The following PPFIBP1 variants were observed in gnomAD, a reference collection of about 807,000 sequenced individuals.
The protein encoded by PPFIBP1 is PPFIB scaffold protein 1.
Under a neutral mutation model 137.8 loss-of-function variants are expected in PPFIBP1, and 112 were observed. That is an observed-to-expected ratio of 0.81 (90% CI 0.70 to 0.95). The LOEUF (loss-of-function observed/expected upper bound fraction) is 0.95, where lower values mean the gene tolerates loss of function less well. Ranked by LOEUF, PPFIBP1 falls within the 40% of genes least tolerant of loss-of-function variation. The pLI, the probability that PPFIBP1 is intolerant of heterozygous loss-of-function variation, is 0.00. For synonymous variants in PPFIBP1, 378 were observed against 417.3 expected, an observed-to-expected ratio of 0.91 and a Z score of 1.15; for missense variants, 1,083 against 1,196.6, an observed-to-expected ratio of 0.91 and a Z score of 1.40.
chr12:27,587,065 C>G (rs1029192366), intron 2 of PPFIBP1, among the ~76,000 whole-genome samples: 4 of 152,158 alleles, frequency 2.6e-5, no homozygotes, highest in African/African-American at 9.7e-5. Context: ...CTTACGTGTT[C>G]TGTAAAAATA....
intron 1 of PPFIBP1, among the ~76,000 whole-genome samples, chr12:27,543,880 C>CTTTT (rs35787446): frequency 5.7e-5 from 6 of 105,800 alleles, no homozygotes; most frequent in African/African-American, 7.3e-5. Context: ...CCCGCCCCTG[C>CTTTT]TTTTTTTTTT....
chr12:27,645,102 G>A (rs1330434336), intron 4 of PPFIBP1, among the ~76,000 whole-genome samples: 1 of 152,118 alleles, frequency 6.6e-6, no homozygotes, highest in Non-Finnish European at 1.5e-5. Context: ...TAAATCTGAA[G>A]GTATTATTTT....
intron 4 of PPFIBP1, among the ~76,000 whole-genome samples, chr12:27,643,243 G>T (rs1246383029): frequency 7.1e-6 from 1 of 140,592 alleles, no homozygotes; most frequent in African/African-American, 2.7e-5. Context: ...AACCAAACCT[G>T]CAGTCATCTT....
At chr12:27,687,267 TG>T (rs1271404110) in intron 24 of PPFIBP1, 117 bp from the exon 25 acceptor site, 1 of 1,239,774 alleles carries the variant, frequency 8.1e-7, no homozygotes, top group Non-Finnish European at 1.1e-6. Context: ...GACAAGACCT[TG>T]GGGCATATTG....
chr12:27,592,852 C>T, intron 2 of PPFIBP1: 1 of 559,348 alleles, frequency 1.8e-6, no homozygotes, highest in Non-Finnish European at 3.2e-6. Context: ...AAAAATAGCC[C>T]AAGTAGGCTG....
intron 2 of PPFIBP1, among the ~76,000 whole-genome samples, chr12:27,621,104 A>G (rs1420016838): frequency 6.6e-6 from 1 of 152,230 alleles, no homozygotes; most frequent in Non-Finnish European, 1.5e-5. Flanking sequence ...AGGCTGTAGG[A>G]TAAGGTAGGT....
intron 1 of PPFIBP1, chr12:27,538,422 G>A (rs1294053069): frequency 1.3e-5 from 2 of 152,186 alleles, no homozygotes; most frequent in East Asian, 3.8e-4. Flanking sequence ...ATTTGAAATT[G>A]TACTTTGTGA....
intron 12 of PPFIBP1, among the ~76,000 whole-genome samples, chr12:27,665,678 G>A (rs754604879): frequency 7.9e-5 from 12 of 152,252 alleles, no homozygotes; most frequent in Admixed American, 4.6e-4. Flanking sequence ...TTATTTGCTC[G>A]CAACGTAAGC....
chr12:27,527,001 T>A (rs1414132657), intron 1 of PPFIBP1, among the ~76,000 whole-genome samples: 2 of 152,108 alleles, frequency 1.3e-5, no homozygotes, highest in Non-Finnish European at 2.9e-5. Flanking sequence ...TAATTAACTG[T>A]TTATGTAGTC....
chr12:27,598,805 A>G (rs1189883506), intron 2 of PPFIBP1, among the ~76,000 whole-genome samples: 1 of 152,206 alleles, frequency 6.6e-6, no homozygotes, highest in Non-Finnish European at 1.5e-5. Context: ...CCTCATTAAC[A>G]ATACGGCTCA....
rs114438322 is a variant in PPFIBP1, at chr12:27,685,496, T to C, written c.2248-1889T>C. On this transcript the variant is annotated intron_variant, in intron 24 of 29. Coordinates refer to ENST00000228425, the MANE Select transcript of PPFIBP1 (RefSeq NM_003622.4). ...ACGATTATGACTAGAACACATTCAGTAAATATTTGCCTCCCTCTCTAAGTG... is the reference window on the plus strand; with the variant it reads ...ACGATTATGACTAGAACACATTCAGCAAATATTTGCCTCCCTCTCTAAGTG... Among the ~76,000 whole-genome samples the C allele has an allele frequency of 9.7e-3, 1,475 of 152,212 alleles. 23 individuals carry two copies. Among genetic ancestry groups the C allele is most frequent in the African/African-American group, 0.033 (1,373 of 41,522 alleles).
intron 12 of PPFIBP1, among the ~76,000 whole-genome samples, chr12:27,666,306 C>G (rs2059852287): frequency 6.6e-6 from 1 of 150,700 alleles, no homozygotes; most frequent in South Asian, 2.1e-4. Flanking sequence ...GTTGTATAAA[C>G]AGTGATTTCT....
rs74074091 is a variant in PPFIBP1, at chr12:27,664,277, A to G, written c.907-85A>G. On this transcript the variant is annotated intron_variant, in intron 11 of 29. Coordinates refer to ENST00000228425, the MANE Select transcript of PPFIBP1 (RefSeq NM_003622.4). Reference sequence around the variant, plus strand: ...AATCATGCGTATTCTTTATGTAATTACTATTCTTTATGCAATTCTTTATGG... The same window carrying G: ...AATCATGCGTATTCTTTATGTAATTGCTATTCTTTATGCAATTCTTTATGG... The G allele has an allele frequency of 4.7e-4, 401 of 854,186 alleles. No homozygotes were observed. The African/African-American group carries it at 5.7e-3, about 12-fold the overall frequency. The allele number at this position is 854,186 out of a possible 1,614,324, so 52.9% of individuals were successfully genotyped here.
chr12:27,595,353 C>T lies in PPFIBP1; in HGVS notation c.-36+17114C>T, dbSNP rs183347356. On this transcript the variant is annotated intron_variant, in intron 2 of 29. Transcript: ENST00000228425. The stretch of plus-strand genomic sequence containing the variant: ...GGCTGCCCACATGGAAGAAGTGCTG[C>T]TAACTCCTGAGGCAAGAAGGGGAGA... 6.4e-4 allele frequency among the ~76,000 whole-genome samples: 97 copies of T among 152,290 alleles called. 1 individual carries two copies. The Middle Eastern group carries it at 0.02, about 32-fold the overall frequency.
At position 27,647,759 on chromosome 12, in the gene PPFIBP1, C is replaced by G. The variant is rs777172400; in HGVS notation, c.388C>G (p.Gln130Glu). 53 of 1,609,348 alleles carry G rather than the reference C, an allele frequency of 3.3e-5. No homozygotes were observed. The highest frequency in any genetic ancestry group is 6.7e-5 in the Admixed American group (4 of 59,314). ...TGTGTTAACAGACCAGGTGGAGGCTCAGGGAGAGAAGATTCGAGATTTGGA... is the reference window on the plus strand; with the variant it reads ...TGTGTTAACAGACCAGGTGGAGGCTGAGGGAGAGAAGATTCGAGATTTGGA... ...VSVLTDQVEA[Q>E]GEKIRDLEFC... Residue 130 changes from glutamine (Q) to glutamate (E), a missense_variant, in exon 6 of 30, where the codon CAG becomes GAG. Transcript: ENST00000228425.
At chr12:27,612,005 T>G (rs2055175720) in intron 2 of PPFIBP1, among the ~76,000 whole-genome samples, 1 of 152,250 alleles carries the variant, frequency 6.6e-6, no homozygotes, top group Non-Finnish European at 1.5e-5. Context: ...CTGGACACCT[T>G]GCTTTAGTTA....
chr12:27,679,207 A>G (rs555426823), intron 19 of PPFIBP1, among the ~76,000 whole-genome samples: 5 of 152,208 alleles, frequency 3.3e-5, no homozygotes, highest in Non-Finnish European at 5.9e-5. Context: ...AAGATTGGGA[A>G]TAATTCCATT....
chr12:27,626,245 G>A (rs2056811438), intron 2 of PPFIBP1, among the ~76,000 whole-genome samples: 1 of 152,186 alleles, frequency 6.6e-6, no homozygotes, highest in East Asian at 1.9e-4. Context: ...GCACGCATAA[G>A]TACCTATAGT....
At chr12:27,554,155 T>G (rs1189400079) in intron 1 of PPFIBP1, among the ~76,000 whole-genome samples, 1 of 152,224 alleles carries the variant, frequency 6.6e-6, no homozygotes, top group African/African-American at 2.4e-5. Context: ...CCGTTAAGAT[T>G]CCTGTTAAGC....
Sources: allele counts gnomAD v4.1 joint callset (sites outside exome capture counted in the v4.1 genomes callset), GRCh38; gene constraint gnomAD v4.1.1; transcripts MANE v1.5; gene names NCBI Gene and HGNC (gene_info 2026-07-23, HGNC 2026-07-21).